Variants in MGMT observed in about 807,000 individuals in gnomAD.
MGMT encodes O-6-methylguanine-DNA methyltransferase, also known as methylated-DNA--protein-cysteine methyltransferase.
A neutral mutation model predicts 15.9 loss-of-function variants in MGMT; 14 were observed. The observed-to-expected ratio is 0.88, with a 90% CI of 0.58 to 1.37. The LOEUF (loss-of-function observed/expected upper bound fraction) is 1.37, where lower values mean the gene tolerates loss of function less well. Among genes scored for constraint, MGMT ranks in the 40% most tolerant of loss-of-function variants. The pLI is 0.00. For missense variants in MGMT, 282 were observed against 268.1 expected (o/e 1.05, Z -0.36); for synonymous variants, 130 against 118.2 (o/e 1.10, Z -0.65).
At chr10:129,685,916 ATTAT>A (rs1448407288) in intron 2 of MGMT, among the ~76,000 whole-genome samples, 1 of 152,218 alleles carries the variant, frequency 6.6e-6, no homozygotes, top group Non-Finnish European at 1.5e-5. Flanking sequence ...ACTGTATTTA[ATTAT>A]TCCCTAGTTT....
At chr10:129,752,376 G>A (rs1307790942) in intron 3 of MGMT, among the ~76,000 whole-genome samples, 5 of 151,884 alleles carry the variant, frequency 3.3e-5, no homozygotes, top group Non-Finnish European at 7.4e-5. Flanking sequence ...ATCATTTGAA[G>A]TGAATTCTTT....
chr10:129,739,623 A>G (rs1035135092), intron 3 of MGMT, among the ~76,000 whole-genome samples: 2 of 151,552 alleles, frequency 1.3e-5, no homozygotes, highest in Admixed American at 1.3e-4. Context: ...CCAGGTCAGA[A>G]CTCCCCTACA....
intron 3 of MGMT, among the ~76,000 whole-genome samples, chr10:129,712,137 C>G (rs572509959): frequency 6.6e-6 from 1 of 152,272 alleles, no homozygotes; most frequent in African/African-American, 2.4e-5. Context: ...CCTCAGGTCC[C>G]TGAGCCCTCC....
intron 3 of MGMT, among the ~76,000 whole-genome samples, chr10:129,744,551 T>C (rs1589972352): frequency 6.6e-6 from 1 of 152,244 alleles, no homozygotes; most frequent in African/African-American, 2.4e-5. Context: ...TTCCCCCTGC[T>C]GTGAACCCCA....
At chr10:129,675,779 G>A (rs1359128936) in intron 2 of MGMT, among the ~76,000 whole-genome samples, 1 of 152,202 alleles carries the variant, frequency 6.6e-6, no homozygotes, top group Non-Finnish European at 1.5e-5. Context: ...CCAGTAGGTG[G>A]TGTCGCCAAG....
intron 1 of MGMT, among the ~76,000 whole-genome samples, chr10:129,515,106 G>A (rs1845724348): frequency 6.6e-6 from 1 of 152,224 alleles, no homozygotes; most frequent in South Asian, 2.1e-4. Context: ...GCTGGGGGCA[G>A]GAAGGAGGGC....
intron 2 of MGMT, among the ~76,000 whole-genome samples, chr10:129,682,909 C>T (rs1352061237): frequency 3.3e-5 from 5 of 152,288 alleles, no homozygotes; most frequent in South Asian, 2.1e-4. Context: ...AGTGCAGTGG[C>T]GCAGTCTTGG....
At chr10:129,552,187 C>G (rs916040617) in intron 2 of MGMT, among the ~76,000 whole-genome samples, 1 of 152,228 alleles carries the variant, frequency 6.6e-6, no homozygotes, top group Non-Finnish European at 1.5e-5. Flanking sequence ...GCCGCCCACC[C>G]GCTCATGGCC....
In MGMT at chr10:129,518,337, T is replaced by TACACACACACACACACACACAC. The variant is rs61316662; in HGVS notation, c.-12-17888_-12-17867dup. Among the ~76,000 whole-genome samples the TACACACACACACACACACACAC allele has an allele frequency of 2.8e-3, 330 of 119,616 alleles. 4 individuals carry two copies. Among genetic ancestry groups the TACACACACACACACACACACAC allele is most frequent in the East Asian group, 6.6e-3 (20 of 3,014 alleles). The allele number at this position is 119,616 out of a possible 152,430, so 78.5% of individuals were successfully genotyped here. ...TGATGTGTGTACAGATACACACACA[T>TACACACACACACACACACACAC]ACACACACACACACACACACACACA... On this transcript the variant is annotated intron_variant, in intron 1 of 4. Transcript: ENST00000651593.
intron 1 of MGMT, among the ~76,000 whole-genome samples, chr10:129,511,306 C>T (rs1468427760): frequency 6.6e-6 from 1 of 150,786 alleles, no homozygotes; most frequent in Non-Finnish European, 1.5e-5. Flanking sequence ...GATGCAGCCA[C>T]GTGCTTTCTG....
intron 2 of MGMT, among the ~76,000 whole-genome samples, chr10:129,695,266 A>G (rs1848017211): frequency 6.6e-6 from 1 of 152,218 alleles, no homozygotes; most frequent in African/African-American, 2.4e-5. Context: ...TGAGCTGGAG[A>G]AAGTTGTTCC....
chr10:129,759,927 A>T (rs1359131552), intron 4 of MGMT, among the ~76,000 whole-genome samples: 1 of 152,036 alleles, frequency 6.6e-6, no homozygotes, highest in Non-Finnish European at 1.5e-5. Context: ...GACCACACGC[A>T]CCTCGTGTCT....
At chr10:129,711,303 A>G (rs527870490) in intron 3 of MGMT, among the ~76,000 whole-genome samples, 2 of 152,376 alleles carry the variant, frequency 1.3e-5, no homozygotes, top group Non-Finnish European at 2.9e-5. Context: ...ATCAAATACC[A>G]GAAATTTCAG....
chr10:129,735,480 T>G (rs1263981678), intron 3 of MGMT, among the ~76,000 whole-genome samples: 2 of 152,218 alleles, frequency 1.3e-5, no homozygotes, highest in Non-Finnish European at 2.9e-5. Context: ...GCTAGCGGTC[T>G]ATCAATTTTG....
At chr10:129,632,863 C>T (rs1230189996) in intron 2 of MGMT, among the ~76,000 whole-genome samples, 4 of 151,642 alleles carry the variant, frequency 2.6e-5, no homozygotes, top group Admixed American at 1.3e-4. Context: ...TACTTAGATA[C>T]GACGGAATGA....
At chr10:129,599,443 T>A (rs555337717) in intron 2 of MGMT, among the ~76,000 whole-genome samples, 1 of 152,368 alleles carries the variant, frequency 6.6e-6, no homozygotes, top group Admixed American at 6.5e-5. Context: ...GAATGTGGGA[T>A]CCTGATGGGT....
At chr10:129,704,191 C>T (rs1848132136) in intron 2 of MGMT, among the ~76,000 whole-genome samples, 1 of 151,994 alleles carries the variant, frequency 6.6e-6, no homozygotes, top group African/African-American at 2.4e-5. Flanking sequence ...AATATTTAAG[C>T]CAAGCAGAAG....
At chr10:129,607,937 C>T (rs762899388) in intron 2 of MGMT, among the ~76,000 whole-genome samples, 5 of 152,130 alleles carry the variant, frequency 3.3e-5, no homozygotes, top group East Asian at 3.9e-4. Context: ...GTTTCACATG[C>T]GAGGTTGCCA....
chr10:129,605,167 A>T (rs541884212), intron 2 of MGMT, among the ~76,000 whole-genome samples: 88 of 152,334 alleles, frequency 5.8e-4, no homozygotes, highest in African/African-American at 2.0e-3. Context: ...ATTACTGGCC[A>T]TTGAAAGAAA....
Sources: gnomAD v4.1 joint callset for allele counts (sites outside exome capture counted in the v4.1 genomes callset) on GRCh38, gnomAD v4.1.1 for gene constraint, MANE v1.5 for transcripts, NCBI Gene and HGNC (gene_info 2026-07-23, HGNC 2026-07-21) for gene names.